Variants in TRAPPC9 observed in about 807,000 individuals in gnomAD.
The protein encoded by TRAPPC9 is IKK2 binding protein.
Under a neutral mutation model 124.0 loss-of-function variants are expected in TRAPPC9, and 83 were observed. The ratio of observed to expected loss-of-function variants is 0.67; its 90% CI spans 0.56 to 0.80. The LOEUF (loss-of-function observed/expected upper bound fraction) is 0.80, where lower values mean the gene tolerates loss of function less well. TRAPPC9 is among the 30% of genes least tolerant of loss of function. The probability of loss-of-function intolerance (pLI) is 0.00; values close to 1 mark genes in which losing one functional copy is unlikely to be tolerated. For missense variants in TRAPPC9, 1,302 were observed against 1,508.3 expected (o/e 0.86, Z 2.27); for synonymous variants, 638 against 617.5 (o/e 1.03, Z -0.49).
intron 5 of TRAPPC9, among the ~76,000 whole-genome samples, chr8:140,413,815 C>G (rs2132476341): frequency 6.6e-6 from 1 of 151,798 alleles, no homozygotes; most frequent in South Asian, 2.1e-4. Flanking sequence ...CCAATTTCAT[C>G]CATGTCCCTA....
chr8:140,085,975 G>A (rs1327799554), intron 17 of TRAPPC9, among the ~76,000 whole-genome samples: 1 of 151,960 alleles, frequency 6.6e-6, no homozygotes, highest in Non-Finnish European at 1.5e-5. Flanking sequence ...TAGGCTGGCA[G>A]AAGGAAATAA....
intron 17 of TRAPPC9, among the ~76,000 whole-genome samples, chr8:140,025,722 C>T (rs1840102620): frequency 6.6e-6 from 1 of 152,160 alleles, no homozygotes; most frequent in Non-Finnish European, 1.5e-5. Flanking sequence ...AAATAAATTC[C>T]TTTCTCCCCT....
chr8:139,876,213 G>A (rs750474059), intron 21 of TRAPPC9, among the ~76,000 whole-genome samples: 28 of 152,220 alleles, frequency 1.8e-4, no homozygotes, highest in Non-Finnish European at 5.9e-5. Flanking sequence ...GCACCAGGAC[G>A]CAGCTCAGCC....
chr8:140,229,131 A>G (rs539668555), intron 16 of TRAPPC9, among the ~76,000 whole-genome samples: 9 of 152,202 alleles, frequency 5.9e-5, no homozygotes, highest in Non-Finnish European at 1.2e-4. Flanking sequence ...TTTCAGGTAC[A>G]TAGAAAATAA....
intron 17 of TRAPPC9, among the ~76,000 whole-genome samples, chr8:140,220,764 T>C (rs1162879438): frequency 6.6e-6 from 1 of 152,232 alleles, no homozygotes; most frequent in African/African-American, 2.4e-5. Context: ...AAATTTGGCA[T>C]GAGGACTGTA....
At chr8:140,076,141 G>A (rs1843495342) in intron 17 of TRAPPC9, among the ~76,000 whole-genome samples, 1 of 152,198 alleles carries the variant, frequency 6.6e-6, no homozygotes, top group South Asian at 2.1e-4. Context: ...CCACTCTTAA[G>A]CACTGTATAT....
At chr8:140,181,809 T>C (rs903145849) in intron 17 of TRAPPC9, among the ~76,000 whole-genome samples, 1 of 152,172 alleles carries the variant, frequency 6.6e-6, no homozygotes, top group Non-Finnish European at 1.5e-5. Context: ...TTGTTGTCTG[T>C]GGCTGTACAC....
chr8:140,266,727 G>C (rs529810868), intron 15 of TRAPPC9, among the ~76,000 whole-genome samples: 1 of 150,274 alleles, frequency 6.7e-6, no homozygotes, highest in Admixed American at 6.6e-5. Context: ...GGGCGTGGTG[G>C]TGGGTGCCTG....
intron 17 of TRAPPC9, among the ~76,000 whole-genome samples, chr8:140,153,557 A>G (rs1280278452): frequency 1.3e-5 from 2 of 152,064 alleles, no homozygotes; most frequent in African/African-American, 2.4e-5. Flanking sequence ...TAGACAATCA[A>G]TTCGTTAAAG....
chr8:140,013,053 C>T (rs1004445794), intron 18 of TRAPPC9, among the ~76,000 whole-genome samples: 14 of 152,176 alleles, frequency 9.2e-5, no homozygotes, highest in Admixed American at 7.2e-4. Flanking sequence ...CAGGGCTGAG[C>T]GGGCCACACA....
rs190925456 is a variant in TRAPPC9, at chr8:140,380,507, T to C, written c.1135-9327A>G. 1.9e-3 allele frequency among the ~76,000 whole-genome samples: 285 copies of C among 151,494 alleles called. 4 individuals are homozygous for C. Among genetic ancestry groups the C allele is most frequent in the Non-Finnish European group, 6.2e-4 (42 of 67,822 alleles). ...TGTCTCTACTAAACATAGAAAAAATTAGCCAGGCCTTGTGGCAGGTGCCTG... is the reference window on the plus strand; with the variant it reads ...TGTCTCTACTAAACATAGAAAAAATCAGCCAGGCCTTGTGGCAGGTGCCTG... On this transcript the variant is annotated intron_variant, in intron 7 of 22. Transcript: ENST00000438773.
chr8:140,140,607 A>C (rs1379149156), intron 17 of TRAPPC9, among the ~76,000 whole-genome samples: 1 of 152,212 alleles, frequency 6.6e-6, no homozygotes, highest in East Asian at 1.9e-4. Context: ...TATGCACTTC[A>C]GAATTCCACC....
chr8:139,815,681 C>A (rs569226974), intron 21 of TRAPPC9, among the ~76,000 whole-genome samples: 1 of 152,276 alleles, frequency 6.6e-6, no homozygotes, highest in East Asian at 1.9e-4. Context: ...TGAGCCACAG[C>A]GCCCGGCAAG....
intron 20 of TRAPPC9, among the ~76,000 whole-genome samples, chr8:139,889,335 C>G (rs563180663): frequency 1.4e-3 from 213 of 152,140 alleles, no homozygotes; most frequent in African/African-American, 4.8e-3. Flanking sequence ...GGCCTAACCA[C>G]GGAGCTGAAC....
intron 17 of TRAPPC9, among the ~76,000 whole-genome samples, chr8:140,044,838 T>C (rs1158965798): frequency 2.6e-5 from 4 of 152,244 alleles, no homozygotes; most frequent in African/African-American, 9.6e-5. Flanking sequence ...AATACGCATT[T>C]CTAATTACCC....
intron 21 of TRAPPC9, among the ~76,000 whole-genome samples, chr8:139,842,897 G>A (rs757676135): frequency 2.0e-5 from 3 of 152,188 alleles, no homozygotes; most frequent in Non-Finnish European, 4.4e-5. Context: ...CTAATCTTAA[G>A]CAGATTTTCA....
chr8:140,303,197 T>C (rs1036377761), intron 10 of TRAPPC9, among the ~76,000 whole-genome samples: 5 of 152,152 alleles, frequency 3.3e-5, no homozygotes, highest in Non-Finnish European at 5.9e-5. Context: ...AGGATTTGGG[T>C]CTTTGTTCAC....
chr8:140,302,403 G>A (rs936506070), intron 10 of TRAPPC9, among the ~76,000 whole-genome samples: 2 of 152,224 alleles, frequency 1.3e-5, no homozygotes, highest in African/African-American at 2.4e-5. Context: ...TGAGCCTGCT[G>A]AGGACAGGGG....
chr8:139,937,445 G>C (rs1040127676), intron 19 of TRAPPC9, among the ~76,000 whole-genome samples: 1 of 152,176 alleles, frequency 6.6e-6, no homozygotes, highest in Non-Finnish European at 1.5e-5. Context: ...ACATCTCAAA[G>C]AAGAAAAGAA....
Sources: gnomAD v4.1 joint callset for allele counts (sites outside exome capture counted in the v4.1 genomes callset) on GRCh38, gnomAD v4.1.1 for gene constraint, MANE v1.5 for transcripts, NCBI Gene and HGNC (gene_info 2026-07-23, HGNC 2026-07-21) for gene names.